SLC14A2: variants seen among roughly 807,000 people sequenced by gnomAD.
The protein encoded by SLC14A2 is solute carrier family 14 member 2, also known as urea transporter 2.
A neutral mutation model predicts 104.6 loss-of-function variants in SLC14A2; 91 were observed. The observed-to-expected ratio is 0.87, with a 90% CI of 0.73 to 1.04. SLC14A2 has a LOEUF of 1.04. Among genes scored for constraint, SLC14A2 ranks in the 50% least tolerant of loss-of-function variants. The pLI is 0.00. For missense variants in SLC14A2, 1,189 were observed against 1,156.0 expected, an observed-to-expected ratio of 1.03 and a Z score of -0.41; for synonymous variants, 476 against 466.4, an observed-to-expected ratio of 1.02 and a Z score of -0.27.
intron 18 of SLC14A2, among the ~76,000 whole-genome samples, chr18:45,675,346 G>A (rs1403204148): frequency 6.6e-6 from 1 of 152,072 alleles, no homozygotes; most frequent in Non-Finnish European, 1.5e-5. Context: ...TTGTAGCCGT[G>A]GTGCCTGAGG....
rs538525619 is a variant in SLC14A2, at chr18:45,378,384, G to GT, written c.-124-104847dup. On this transcript the variant is annotated intron_variant, in intron 1 of 20. Coordinates refer to the SLC14A2 transcript ENST00000586448. ...AGAATCTATGAGCTGTTATAGCACA[G>GT]TTAACATTTAGAATTGAGCTTGGAT... is the stretch of plus-strand genomic sequence containing the variant. Among the ~76,000 whole-genome samples, 125 of 152,300 alleles carry GT rather than the reference G, an allele frequency of 8.2e-4. 1 individual carries two copies. Among genetic ancestry groups the GT allele is most frequent in the Non-Finnish European group, 1.4e-3 (96 of 68,020 alleles).
intron 1 of SLC14A2, among the ~76,000 whole-genome samples, chr18:45,332,180 T>A (rs1451977420): frequency 6.6e-6 from 1 of 152,216 alleles, no homozygotes; most frequent in African/African-American, 2.4e-5. Flanking sequence ...TCCTTGGCAA[T>A]CAGTTCTGGT....
At chr18:45,607,869 TC>T (rs1487191019) in intron 2 of SLC14A2, among the ~76,000 whole-genome samples, 1 of 152,148 alleles carries the variant, frequency 6.6e-6, no homozygotes, top group Non-Finnish European at 1.5e-5. Flanking sequence ...AGCTCTCAGT[TC>T]CCCTGTAAGG....
intron 1 of SLC14A2, among the ~76,000 whole-genome samples, chr18:45,381,215 G>A (rs1046362923): frequency 1.3e-5 from 2 of 152,214 alleles, no homozygotes; most frequent in Non-Finnish European, 2.9e-5. Flanking sequence ...CTCTCTGGTA[G>A]GGCAGAATCT....
intron 1 of SLC14A2, among the ~76,000 whole-genome samples, chr18:45,291,438 A>G (rs1475551044): frequency 1.3e-5 from 2 of 152,036 alleles, no homozygotes; most frequent in Non-Finnish European, 2.9e-5. Flanking sequence ...CTCCAAGAAT[A>G]TTTTCCCAAC....
At chr18:45,394,188 C>A (rs532634018) in intron 1 of SLC14A2, among the ~76,000 whole-genome samples, 33 of 152,304 alleles carry the variant, frequency 2.2e-4, no homozygotes, top group African/African-American at 7.2e-4. Context: ...AAATTAAATT[C>A]TTTCAATCCT....
intron 1 of SLC14A2, among the ~76,000 whole-genome samples, chr18:45,222,023 C>T (rs1798304976): frequency 6.6e-6 from 1 of 152,134 alleles, no homozygotes; most frequent in African/African-American, 2.4e-5. Flanking sequence ...CTCAGAAGTC[C>T]ATTAAGATAC....
In SLC14A2 at chr18:45,504,376, C is replaced by T. The variant is rs73955846; in HGVS notation, c.-35+21054C>T. 1.0e-2 allele frequency among the ~76,000 whole-genome samples: 1,519 copies of T among 152,168 alleles called. 21 individuals are homozygous for T. The highest frequency in any genetic ancestry group is 0.035 in the African/African-American group (1,443 of 41,506). On this transcript the variant is annotated intron_variant, in intron 2 of 20. Coordinates refer to the SLC14A2 transcript ENST00000586448. ...AAACGGTTTGCTCCTGAGTTCCAAACGATATGGTAATGAATTGCCAGTGAA... is the reference window on the plus strand; with the variant it reads ...AAACGGTTTGCTCCTGAGTTCCAAATGATATGGTAATGAATTGCCAGTGAA...
intron 2 of SLC14A2, among the ~76,000 whole-genome samples, chr18:45,542,035 G>GTTTTTTTTTTGTTTT (rs2043891896): frequency 7.4e-5 from 4 of 54,206 alleles, no homozygotes; most frequent in Non-Finnish European, 1.1e-4. Context: ...AAGAGAGAGG[G>GTTTTTTTTTTGTTTT]TTTTTTTTTT....
chr18:45,658,671 T>C (rs918444191), intron 10 of SLC14A2, among the ~76,000 whole-genome samples: 1 of 152,112 alleles, frequency 6.6e-6, no homozygotes, highest in Non-Finnish European at 1.5e-5. Flanking sequence ...AGAGGGTAGA[T>C]TATTATTTCC....
At chr18:45,177,204 C>T in the SLC14A2 span, among the ~76,000 whole-genome samples, 18 of 152,156 alleles carry the variant, frequency 1.2e-4, no homozygotes, top group South Asian at 4.1e-4. Flanking sequence ...CTCAACTACC[C>T]TGGTAGAAGC....
At chr18:45,443,935 C>A (rs1598824862) in intron 1 of SLC14A2, among the ~76,000 whole-genome samples, 1 of 152,002 alleles carries the variant, frequency 6.6e-6, no homozygotes, top group Non-Finnish European at 1.5e-5. Flanking sequence ...ATAATCCAGG[C>A]CTTAGGGAGA....
intron 2 of SLC14A2, among the ~76,000 whole-genome samples, chr18:45,565,749 T>C (rs2044257866): frequency 6.6e-6 from 1 of 152,164 alleles, no homozygotes; most frequent in African/African-American, 2.4e-5. Flanking sequence ...CCTGACCCGC[T>C]TCTCCACAGG....
At chr18:45,457,056 C>T (rs1349602761) in intron 1 of SLC14A2, among the ~76,000 whole-genome samples, 1 of 151,908 alleles carries the variant, frequency 6.6e-6, no homozygotes, top group Non-Finnish European at 1.5e-5. Context: ...AGGGAGCACA[C>T]AGCAATACAA....
intron 5 of SLC14A2, chr18:45,634,902 C>T (rs541025284): frequency 8.3e-5 from 38 of 456,160 alleles, no homozygotes; most frequent in African/African-American, 4.2e-4. Flanking sequence ...TGCTACAAAA[C>T]CCCACAGAGA....
At chr18:45,431,674 A>G (rs988944199) in intron 1 of SLC14A2, among the ~76,000 whole-genome samples, 33 of 152,298 alleles carry the variant, frequency 2.2e-4, no homozygotes, top group Non-Finnish European at 4.1e-4. Flanking sequence ...CATGGGCACA[A>G]TAATGTGTGT....
chr18:45,197,496 A>G, the SLC14A2 span, among the ~76,000 whole-genome samples: 1 of 152,220 alleles, frequency 6.6e-6, no homozygotes, highest in Non-Finnish European at 1.5e-5. Flanking sequence ...GAAGAGCAGT[A>G]TAGTCAGAGA....
chr18:45,257,181 T>G (rs1448181043), intron 1 of SLC14A2, among the ~76,000 whole-genome samples: 1 of 152,204 alleles, frequency 6.6e-6, no homozygotes. Context: ...TAGTGACACA[T>G]TTTCAAAGAG....
intron 1 of SLC14A2, among the ~76,000 whole-genome samples, chr18:45,240,387 G>A (rs1357509022): frequency 2.0e-5 from 3 of 151,782 alleles, no homozygotes; most frequent in South Asian, 2.1e-4. Flanking sequence ...GAGCCACCAC[G>A]CCCGGCCCAA....
Sources: allele counts gnomAD v4.1 joint callset (sites outside exome capture counted in the v4.1 genomes callset), GRCh38; gene constraint gnomAD v4.1.1; transcripts MANE v1.5; gene names NCBI Gene and HGNC (gene_info 2026-07-23, HGNC 2026-07-21).